The following SCFD2 variants were observed in gnomAD, a reference collection of about 807,000 sequenced individuals.
SCFD2 encodes the protein sec1 family domain containing 2, also known as sec1 family domain-containing protein 2.
In SCFD2, 54 loss-of-function variants were observed where a neutral mutation model predicts 58.9. That is an observed-to-expected ratio of 0.92 (90% CI 0.74 to 1.15). The LOEUF (loss-of-function observed/expected upper bound fraction) is 1.15, where lower values mean the gene tolerates loss of function less well. SCFD2 is among the 50% of genes most tolerant of loss of function. The probability of loss-of-function intolerance (pLI) is 0.00; values close to 1 mark genes in which losing one functional copy is unlikely to be tolerated. For missense variants in SCFD2, 805 were observed against 836.6 expected (o/e 0.96, Z 0.47); for synonymous variants, 321 against 335.9 (o/e 0.96, Z 0.49).
chr4:53,344,451 G>A (rs1733991224), intron 2 of SCFD2, among the ~76,000 whole-genome samples: 1 of 152,080 alleles, frequency 6.6e-6, no homozygotes. Flanking sequence ...AATAAAAGAG[G>A]ACACAAACAA....
intron 4 of SCFD2, chr4:53,265,578 A>G (rs1178525357): frequency 1.3e-5 from 2 of 152,128 alleles, no homozygotes. Context: ...CTAATGCACA[A>G]TTTAAAGGGT....
chr4:53,292,915 T>A (rs1398631512), intron 3 of SCFD2, among the ~76,000 whole-genome samples: 1 of 151,968 alleles, frequency 6.6e-6, no homozygotes, highest in South Asian at 2.1e-4. Context: ...AAATATGTAA[T>A]GCATGTGGGG....
chr4:53,301,830 A>G (rs1049514368), intron 3 of SCFD2, among the ~76,000 whole-genome samples: 2 of 152,168 alleles, frequency 1.3e-5, no homozygotes, highest in Non-Finnish European at 2.9e-5. Context: ...CCAGCACATA[A>G]ACAGAACCAA....
intron 5 of SCFD2, among the ~76,000 whole-genome samples, chr4:52,969,248 T>C (rs560962933): frequency 1.6e-4 from 25 of 152,338 alleles, no homozygotes; most frequent in Middle Eastern, 3.4e-3. Flanking sequence ...CAAGACCCTA[T>C]TGTGGTGGTC....
chr4:53,356,753 T>C, intron 1 of SCFD2, among the ~76,000 whole-genome samples: 1 of 136,818 alleles, frequency 7.3e-6, no homozygotes, highest in Non-Finnish European at 1.6e-5. Flanking sequence ...TTTTTTTTTG[T>C]TGAGACATAG....
At chr4:52,934,130 A>T (rs1720068898) in intron 5 of SCFD2, among the ~76,000 whole-genome samples, 1 of 152,252 alleles carries the variant, frequency 6.6e-6, no homozygotes, top group South Asian at 2.1e-4. Flanking sequence ...AATGAAAGAA[A>T]AAATGATCAA....
intron 5 of SCFD2, among the ~76,000 whole-genome samples, chr4:53,019,994 C>T (rs555879859): frequency 2.4e-4 from 36 of 152,218 alleles, no homozygotes; most frequent in African/African-American, 7.5e-4. Context: ...CAAAGGTCAA[C>T]GCTGGGCTAC....
chr4:52,964,677 C>A (rs144716479), intron 5 of SCFD2, among the ~76,000 whole-genome samples: 5 of 148,738 alleles, frequency 3.4e-5, no homozygotes, highest in Admixed American at 7.0e-5. Flanking sequence ...ATTGACCTTG[C>A]GAAATGTGAG....
intron 3 of SCFD2, among the ~76,000 whole-genome samples, chr4:53,292,740 A>T (rs1231815785): frequency 6.6e-6 from 1 of 152,226 alleles, no homozygotes; most frequent in Non-Finnish European, 1.5e-5. Flanking sequence ...TATTATAAAG[A>T]TACATGCACG....
intron 7 of SCFD2, 26 bp from the exon 8 acceptor site, chr4:52,885,892 CAGAT>C: frequency 6.2e-7 from 1 of 1,613,214 alleles, no homozygotes; most frequent in African/African-American, 1.3e-5. Flanking sequence ...CCAGCAATAT[CAGAT>C]GGATGGCAGT....
chr4:52,889,859 T>C (rs975631026), intron 7 of SCFD2, among the ~76,000 whole-genome samples: 1 of 152,174 alleles, frequency 6.6e-6, no homozygotes, highest in African/African-American at 2.4e-5. Context: ...ACCATACACC[T>C]TGGGGATTTT....
At chr4:53,349,987 C>G (rs1174103805) in intron 2 of SCFD2, among the ~76,000 whole-genome samples, 1 of 152,128 alleles carries the variant, frequency 6.6e-6, no homozygotes, top group Non-Finnish European at 1.5e-5. Flanking sequence ...ATTTAACTTC[C>G]TTCGTCTTCT....
chr4:53,110,912 C>T (rs142014592), intron 5 of SCFD2, among the ~76,000 whole-genome samples: 2 of 152,232 alleles, frequency 1.3e-5, no homozygotes, highest in East Asian at 3.9e-4. Context: ...GCACTATTCA[C>T]AATAGCAAAG....
At chr4:52,987,145 T>C (rs1812621) in intron 5 of SCFD2, among the ~76,000 whole-genome samples, 81,796 of 151,806 alleles carry the variant, frequency 0.54, 22,194 homozygotes, top group Middle Eastern at 0.58. Context: ...TCTCCTGCCT[T>C]AGCCTCCTGA....
chr4:53,147,655 CCTG>C (rs1190918468), intron 4 of SCFD2, among the ~76,000 whole-genome samples: 1 of 152,208 alleles, frequency 6.6e-6, no homozygotes, highest in African/African-American at 2.4e-5. Context: ...CTAGGGCTGC[CCTG>C]TAGCTTCAGG....
intron 7 of SCFD2, among the ~76,000 whole-genome samples, chr4:52,906,364 T>C (rs1404202480): frequency 6.6e-6 from 1 of 152,164 alleles, no homozygotes; most frequent in Non-Finnish European, 1.5e-5. Context: ...GTGGAAAAGG[T>C]TGGAAACCGT....
intron 4 of SCFD2, among the ~76,000 whole-genome samples, chr4:53,217,092 C>G (rs530818823): frequency 6.6e-6 from 1 of 152,040 alleles, no homozygotes; most frequent in Non-Finnish European, 1.5e-5. Context: ...GGAATAAGTG[C>G]GATGTGGTGC....
chr4:52,884,713 T>C (rs904995767), intron 8 of SCFD2, among the ~76,000 whole-genome samples: 3 of 152,294 alleles, frequency 2.0e-5, no homozygotes, highest in East Asian at 3.9e-4. Context: ...TAACAGGCTG[T>C]GCATCCCCAG....
intron 3 of SCFD2, among the ~76,000 whole-genome samples, chr4:53,283,334 A>G (rs778285149): frequency 3.3e-5 from 5 of 152,152 alleles, no homozygotes; most frequent in Non-Finnish European, 5.9e-5. Context: ...CTATATTACC[A>G]TAACAGTTTC....
Sources: gnomAD v4.1 joint callset for allele counts (sites outside exome capture counted in the v4.1 genomes callset) on GRCh38, gnomAD v4.1.1 for gene constraint, MANE v1.5 for transcripts, NCBI Gene and HGNC (gene_info 2026-07-23, HGNC 2026-07-21) for gene names.